Variants in CSMD2 observed in about 807,000 individuals in gnomAD.
The protein encoded by CSMD2 is CUB and sushi domain-containing protein 2.
A neutral mutation model predicts 398.5 loss-of-function variants in CSMD2; 130 were observed. That is an observed-to-expected ratio of 0.33 (90% CI 0.28 to 0.38). The LOEUF is 0.38. CSMD2 is among the 10% of genes least tolerant of loss of function. CSMD2 has a pLI of 1.00. For synonymous variants in CSMD2, 1,828 were observed against 1,908.5 expected (o/e 0.96, Z 1.10); for missense variants, 3,829 against 4,764.9 (o/e 0.80, Z 5.78).
chr1:33,811,768 T>C (rs1288393482), intron 9 of CSMD2, among the ~76,000 whole-genome samples: 2 of 152,238 alleles, frequency 1.3e-5, no homozygotes, highest in Non-Finnish European at 2.9e-5. Flanking sequence ...TAAAAATGTG[T>C]GCTTAGTTCT....
intron 1 of CSMD2, among the ~76,000 whole-genome samples, chr1:34,102,319 C>T (rs1012544890): frequency 5.1e-4 from 78 of 152,112 alleles, no homozygotes; most frequent in African/African-American, 1.4e-3. Context: ...CGTGAGCCAC[C>T]GCACCTGGCC....
chr1:33,580,723 C>G (rs372793589), intron 48 of CSMD2, 30 bp downstream of exon 48: 1 of 1,612,924 alleles, frequency 6.2e-7, no homozygotes, highest in Non-Finnish European at 8.5e-7. Flanking sequence ...AGGAGAGGGC[C>G]TGTGGCTTAT....
At chr1:33,623,548 G>C in intron 35 of CSMD2, 82 bp from the exon 36 acceptor site, 1 of 955,452 alleles carries the variant, frequency 1.0e-6, no homozygotes, top group Non-Finnish European at 1.7e-6. Flanking sequence ...TGCCCTTCCC[G>C]TAGTTAATTC....
intron 25 of CSMD2, among the ~76,000 whole-genome samples, chr1:33,681,720 C>G (rs1454039651): frequency 1.3e-5 from 2 of 152,166 alleles, no homozygotes; most frequent in Non-Finnish European, 2.9e-5. Context: ...AATCCCAGCA[C>G]TTTGGGAGGC....
Position 33,625,047 on chromosome 1 carries a change from T to A in CSMD2, c.5500+4A>T. 6.2e-7 allele frequency: 1 copy of A among 1,613,588 alleles called. No individual in the cohort carries two copies. The highest frequency in any genetic ancestry group is 8.5e-7 in the Non-Finnish European group (1 of 1,179,730). On this transcript the variant is annotated splice_donor_region_variant and intron_variant, in intron 34 of 70. Coordinates refer to ENST00000373381, the MANE Select transcript of CSMD2 (RefSeq NM_001281956.2). ...CCCTCAACGCCCGGGTCCTGGTTAC[T>A]CACCCACACACGTGGGCGCTGAGAC...
At chr1:34,043,061 T>C (rs920732412) in intron 2 of CSMD2, among the ~76,000 whole-genome samples, 4 of 152,126 alleles carry the variant, frequency 2.6e-5, no homozygotes, top group Admixed American at 2.6e-4. Context: ...AGTGCTGGGA[T>C]TACAGGTGCC....
At chr1:33,521,930 T>C (rs1654340489) in intron 67 of CSMD2, among the ~76,000 whole-genome samples, 1 of 152,228 alleles carries the variant, frequency 6.6e-6, no homozygotes, top group Admixed American at 6.5e-5. Flanking sequence ...CTTACATGCA[T>C]GGTAGCTGTT....
intron 29 of CSMD2, among the ~76,000 whole-genome samples, chr1:33,646,199 G>C (rs1484354905): frequency 3.3e-5 from 5 of 152,182 alleles, no homozygotes; most frequent in Non-Finnish European, 7.4e-5. Context: ...TAAGCACCAT[G>C]ACCCTAGGAT....
At chr1:33,610,417 C>G (rs1640917576) in intron 41 of CSMD2, among the ~76,000 whole-genome samples, 1 of 152,210 alleles carries the variant, frequency 6.6e-6, no homozygotes, top group Non-Finnish European at 1.5e-5. Flanking sequence ...TGGGCACAAT[C>G]TCCACATCCA....
At chr1:33,827,946 C>G (rs1213247781) in intron 6 of CSMD2, among the ~76,000 whole-genome samples, 1 of 152,136 alleles carries the variant, frequency 6.6e-6, no homozygotes, top group Admixed American at 6.5e-5. Context: ...TTGCTCTGGA[C>G]TTGAGGTAAC....
At chr1:33,621,710 T>C (rs1166118516) in intron 37 of CSMD2, among the ~76,000 whole-genome samples, 1 of 152,064 alleles carries the variant, frequency 6.6e-6, no homozygotes, top group Non-Finnish European at 1.5e-5. Flanking sequence ...AGTGACCACT[T>C]AGGGATGCCA....
intron 41 of CSMD2, among the ~76,000 whole-genome samples, chr1:33,610,717 C>T (rs1421301391): frequency 1.3e-5 from 2 of 152,090 alleles, no homozygotes; most frequent in Non-Finnish European, 2.9e-5. Flanking sequence ...TTATCAAGCC[C>T]GAGGGGAAGT....
intron 1 of CSMD2, among the ~76,000 whole-genome samples, chr1:34,110,951 TCGC>T (rs1217060025): frequency 6.6e-6 from 1 of 152,180 alleles, no homozygotes; most frequent in Non-Finnish European, 1.5e-5. Context: ...CCTACTTCCA[TCGC>T]TGGCACCTCC....
intron 5 of CSMD2, among the ~76,000 whole-genome samples, chr1:33,895,694 T>A (rs1642340356): frequency 6.6e-6 from 1 of 152,114 alleles, no homozygotes; most frequent in Non-Finnish European, 1.5e-5. Context: ...CAGGCTACAC[T>A]GGCCGCCCTC....
intron 3 of CSMD2, among the ~76,000 whole-genome samples, chr1:33,964,823 C>T (rs911685018): frequency 2.0e-5 from 3 of 152,180 alleles, no homozygotes; most frequent in Non-Finnish European, 2.9e-5. Context: ...TCCTGACTCT[C>T]CCCTTAACTA....
At position 33,862,824 on chromosome 1, in the gene CSMD2, A is replaced by G. The variant is rs1639643224; in HGVS notation, c.921-15828T>C. 2.0e-5 allele frequency: 3 copies of G among 152,234 alleles called. No homozygotes were observed. In the South Asian group the frequency reaches 6.2e-4, roughly 32 times the overall value. The allele number at this position is 152,234 out of a possible 1,614,324, so 9.4% of individuals were successfully genotyped here. On this transcript the variant is annotated intron_variant, in intron 5 of 70. Coordinates refer to ENST00000373381, the MANE Select transcript of CSMD2 (RefSeq NM_001281956.2). Reference sequence around the variant, plus strand: ...TTGCAGCAGAGCTGGGCAAGAATTCAGGATTGGAGACTCTTATTAGTTTCC... The same window carrying G: ...TTGCAGCAGAGCTGGGCAAGAATTCGGGATTGGAGACTCTTATTAGTTTCC...
In CSMD2 at chr1:33,636,996, C is replaced by A. The variant is rs1642847037; in HGVS notation, c.4775-442G>T. Among the ~76,000 whole-genome samples, 1 of 152,232 alleles carries A rather than the reference C, an allele frequency of 6.6e-6. No individual in the cohort carries two copies. The highest frequency in any genetic ancestry group is 2.4e-5 in the African/African-American group (1 of 41,454). On this transcript the variant is annotated intron_variant, in intron 29 of 70. Transcript: ENST00000373381. This position sits in a 1 kb window ranked among gnomAD's most constrained non-coding sequence, Gnocchi z 4.8. ...CACTTTACTCATCTTTGACCCCCCA[C>A]ACTCAGCAGCCTCCTGGCCTTTTGT...
chr1:33,606,627 C>A (rs1023421728), intron 41 of CSMD2, among the ~76,000 whole-genome samples: 3 of 152,190 alleles, frequency 2.0e-5, no homozygotes, highest in Non-Finnish European at 4.4e-5. Flanking sequence ...AAGCAGGGGG[C>A]CTTTTGCCCA....
chr1:33,845,784 G>GT (rs1298352687), intron 6 of CSMD2, among the ~76,000 whole-genome samples: 1 of 152,212 alleles, frequency 6.6e-6, no homozygotes, highest in African/African-American at 2.4e-5. Flanking sequence ...GATTTTGAAC[G>GT]TAACGCTTCT....
Sources: allele counts gnomAD v4.1 joint callset (sites outside exome capture counted in the v4.1 genomes callset), GRCh38; gene constraint gnomAD v4.1.1; non-coding constraint Gnocchi (gnomAD v3.1); transcripts MANE v1.5; gene names NCBI Gene and HGNC (gene_info 2026-07-23, HGNC 2026-07-21).